Variants in NEBL observed in about 807,000 individuals in gnomAD.
The protein encoded by NEBL is LIM and SH3 protein 2.
Under a neutral mutation model 140.2 loss-of-function variants are expected in NEBL, and 122 were observed. The observed-to-expected ratio is 0.87, with a 90% CI of 0.75 to 1.01. The LOEUF (loss-of-function observed/expected upper bound fraction) is 1.01. Among genes scored for constraint, NEBL ranks in the 50% least tolerant of loss-of-function variants. The probability of loss-of-function intolerance (pLI) is 0.00; values close to 1 mark genes in which losing one functional copy is unlikely to be tolerated. For missense variants in NEBL, 1,365 were observed against 1,231.3 expected (o/e 1.11, Z -1.62); for synonymous variants, 436 against 398.9 (o/e 1.09, Z -1.11).
At chr10:21,070,855 T>C (rs1322691546) in intron 2 of NEBL, among the ~76,000 whole-genome samples, 2 of 152,186 alleles carry the variant, frequency 1.3e-5, no homozygotes, top group African/African-American at 4.8e-5. Flanking sequence ...ATTTCTTTTA[T>C]TGTACACATG....
intron 16 of NEBL, among the ~76,000 whole-genome samples, chr10:20,829,285 A>G (rs1840174657): frequency 6.6e-6 from 1 of 152,076 alleles, no homozygotes; most frequent in Non-Finnish European, 1.5e-5. Context: ...TGTCCTTTGT[A>G]GGGACATGGA....
At chr10:20,984,992 T>C (rs969701339) in intron 3 of NEBL, among the ~76,000 whole-genome samples, 1 of 152,212 alleles carries the variant, frequency 6.6e-6, no homozygotes, top group Non-Finnish European at 1.5e-5. Flanking sequence ...CTCATGATGA[T>C]TTGTCACTGT....
intron 1 of NEBL, among the ~76,000 whole-genome samples, chr10:21,285,354 A>T (rs1362230878): frequency 6.6e-6 from 1 of 152,202 alleles, no homozygotes; most frequent in African/African-American, 2.4e-5. Context: ...ACTGAGATAG[A>T]TGCATATCTG....
At chr10:20,896,877 C>T in intron 2 of NEBL, 81 bp downstream of exon 2, 1 of 1,174,856 alleles carries the variant, frequency 8.5e-7, no homozygotes. Context: ...TCAGGGTTTC[C>T]CCCACAGCTC....
At chr10:21,079,275 G>A (rs1164192205) in intron 2 of NEBL, among the ~76,000 whole-genome samples, 1 of 152,186 alleles carries the variant, frequency 6.6e-6, no homozygotes, top group African/African-American at 2.4e-5. Context: ...AGGAGGTGAA[G>A]AGGCAGTAGT....
chr10:20,831,501 GCT>G lies in NEBL; in HGVS notation c.1530_1531del (p.Arg510SerfsTer2), dbSNP rs780969600. ...GCTGGCCATCTCGGATGCTTTCTTA[GCT>G]CTCTGGACATCAAGAGTGTCTGTGC... On this transcript the variant is annotated frameshift_variant, in exon 15 of 28. Coordinates refer to ENST00000377122, the MANE Select transcript of NEBL (RefSeq NM_006393.3). LOFTEE classifies it high-confidence loss of function. 2 of 1,611,070 alleles carry G rather than the reference GCT, an allele frequency of 1.2e-6. No individual in the cohort carries two copies. Among genetic ancestry groups the G allele is most frequent in the East Asian group, 2.2e-5 (1 of 44,786 alleles).
At chr10:20,958,072 G>C (rs1564462172) in intron 4 of NEBL, among the ~76,000 whole-genome samples, 1 of 152,154 alleles carries the variant, frequency 6.6e-6, no homozygotes, top group Non-Finnish European at 1.5e-5. Context: ...TGAATGCATT[G>C]CTTGTAAACT....
At chr10:21,199,740 G>A (rs1262599742) in intron 3 of NEBL, among the ~76,000 whole-genome samples, 1 of 152,200 alleles carries the variant, frequency 6.6e-6, no homozygotes, top group Non-Finnish European at 1.5e-5. Flanking sequence ...TCCCTCTCCA[G>A]AAGTCACTCT....
rs547468039 is a variant in NEBL at position 20,878,565 on chromosome 10, A to G, written c.480+2229T>C. Among the ~76,000 whole-genome samples the G allele has an allele frequency of 3.9e-5, 6 of 152,306 alleles. No homozygotes were observed. The East Asian group carries it at 1.2e-3, about 29-fold the overall frequency. On this transcript the variant is annotated intron_variant, in intron 5 of 27. Transcript: ENST00000377122. The stretch of plus-strand genomic sequence containing the variant: ...ACCAAGAGATGTACTTTCAAGACCT[A>G]TGTTTAAATTTCATATTGTAGGGAC...
chr10:21,184,473 G>A (rs904322022), intron 3 of NEBL, among the ~76,000 whole-genome samples: 2 of 152,198 alleles, frequency 1.3e-5, no homozygotes, highest in Non-Finnish European at 2.9e-5. Context: ...CTCATCAGCA[G>A]TAGACATCAG....
intron 2 of NEBL, among the ~76,000 whole-genome samples, chr10:21,051,599 C>CA (rs1359822446): frequency 6.6e-5 from 10 of 151,894 alleles, no homozygotes; most frequent in Non-Finnish European, 1.0e-4. Context: ...AAATGAGGCA[C>CA]AAAAAAATCT....
intron 26 of NEBL, among the ~76,000 whole-genome samples, chr10:20,790,619 C>CA (rs1564326621): frequency 1.2e-4 from 18 of 146,482 alleles, no homozygotes; most frequent in African/African-American, 4.3e-4. Flanking sequence ...AAAAACAAAA[C>CA]AAACAAACAA....
chr10:20,891,818 CAT>C (rs1343135659), intron 2 of NEBL, among the ~76,000 whole-genome samples: 2 of 151,880 alleles, frequency 1.3e-5, no homozygotes, highest in South Asian at 2.1e-4. Flanking sequence ...CACACACAAT[CAT>C]GTGTGATTTC....
Position 20,897,244 on chromosome 10 carries a change from C to T in NEBL, c.-39G>A. 1 of 1,535,616 alleles carries T rather than the reference C, an allele frequency of 6.5e-7. No homozygotes were observed. The highest frequency in any genetic ancestry group is 8.7e-7 in the Non-Finnish European group (1 of 1,144,202). On this transcript the variant is annotated 5_prime_UTR_variant, in exon 1 of 28. It removes an upstream start codon present in the reference 5' UTR. Transcript: ENST00000377122. ...AATATTTATATTTTTAAAATTTACTCATGTGGCGTCCTTTTCCATACCACA... is the reference window on the plus strand; with the variant it reads ...AATATTTATATTTTTAAAATTTACTTATGTGGCGTCCTTTTCCATACCACA...
At chr10:20,794,724 TA>T (rs1380451383) in intron 26 of NEBL, among the ~76,000 whole-genome samples, 1 of 152,136 alleles carries the variant, frequency 6.6e-6, no homozygotes, top group Non-Finnish European at 1.5e-5. Flanking sequence ...CTGCACACAA[TA>T]AAAGTTTAAT....
intron 6 of NEBL, 33 bp downstream of exon 6, chr10:20,869,707 C>A: frequency 6.9e-7 from 1 of 1,455,738 alleles, no homozygotes; most frequent in South Asian, 1.1e-5. Flanking sequence ...AGTAAGAAAT[C>A]ATTTCCGTTC....
At chr10:20,994,896 G>C (rs930026323) in intron 3 of NEBL, among the ~76,000 whole-genome samples, 1 of 152,102 alleles carries the variant, frequency 6.6e-6, no homozygotes, top group Non-Finnish European at 1.5e-5. Context: ...GGGGGGGTTG[G>C]TCTTGCTGTC....
chr10:21,001,048 A>G (rs192212385), intron 3 of NEBL, among the ~76,000 whole-genome samples: 22 of 152,254 alleles, frequency 1.4e-4, no homozygotes, highest in Non-Finnish European at 2.8e-4. Context: ...CAGGAAACCA[A>G]TGCAGGTCCC....
intron 4 of NEBL, among the ~76,000 whole-genome samples, chr10:20,939,736 G>A (rs1379279911): frequency 3.9e-5 from 6 of 152,132 alleles, no homozygotes; most frequent in Non-Finnish European, 5.9e-5. Flanking sequence ...AGGGATGGAG[G>A]AAGATCTACC....
Sources: allele counts gnomAD v4.1 joint callset (sites outside exome capture counted in the v4.1 genomes callset), GRCh38; gene constraint gnomAD v4.1.1; transcripts MANE v1.5; gene names NCBI Gene and HGNC (gene_info 2026-07-23, HGNC 2026-07-21).